MACROD2: variants seen among roughly 807,000 people sequenced by gnomAD.
MACROD2 encodes the protein mono-ADP ribosylhydrolase 2.
In MACROD2, 36 loss-of-function variants were observed where a neutral mutation model predicts 70.4. The observed-to-expected ratio is 0.51, with a 90% CI of 0.39 to 0.68. The LOEUF is 0.68. Ranked by LOEUF, MACROD2 falls within the 30% of genes least tolerant of loss-of-function variation. The probability of loss-of-function intolerance (pLI) is 0.00; values close to 1 mark genes in which losing one functional copy is unlikely to be tolerated. For synonymous variants in MACROD2, 172 were observed against 178.8 expected (o/e 0.96, Z 0.30); for missense variants, 496 against 538.4 (o/e 0.92, Z 0.78).
Position 15,806,563 on chromosome 20 carries a change from A to G in MACROD2, c.646-56182A>G, listed in dbSNP as rs555851764. Among the ~76,000 whole-genome samples the G allele has an allele frequency of 2.0e-5, 3 of 152,252 alleles. No individual in the cohort carries two copies. In the South Asian group the frequency reaches 6.2e-4, roughly 32 times the overall value. Reference sequence around the variant, plus strand: ...AACAGAGTGATCTTACACACTGATAACTGAGGAAGCATTTCACAGCTGGAC... The same window carrying G: ...AACAGAGTGATCTTACACACTGATAGCTGAGGAAGCATTTCACAGCTGGAC... On this transcript the variant is annotated intron_variant, in intron 8 of 17. Coordinates refer to ENST00000684519, the MANE Select transcript of MACROD2 (RefSeq NM_001351661.2).
At chr20:14,582,938 C>A (rs1183620283) in intron 4 of MACROD2, among the ~76,000 whole-genome samples, 1 of 152,148 alleles carries the variant, frequency 6.6e-6, no homozygotes, top group Non-Finnish European at 1.5e-5. Flanking sequence ...TGGCAAAAAT[C>A]CTCTGCACTC....
In MACROD2 at chr20:15,991,036, T is replaced by A. The variant is rs1441136940; in HGVS notation, c.1153+3878T>A. Among the ~76,000 whole-genome samples, 7 of 135,606 alleles carry A rather than the reference T, an allele frequency of 5.2e-5. No individual in the cohort carries two copies. In the East Asian group the frequency reaches 1.5e-3, roughly 29 times the overall value. The allele number at this position is 135,606 out of a possible 152,430, so 89.0% of individuals were successfully genotyped here. A position where few individuals can be genotyped will look rare whatever the true frequency, so the allele number is the denominator to read the frequency against. On this transcript the variant is annotated intron_variant, in intron 15 of 17. Transcript: ENST00000684519. ...TTATTGTACCCTATTGATAAAAATA[T>A]AGAGGTGCCCTAGGCCAGGCAAAAA...
intron 3 of MACROD2, among the ~76,000 whole-genome samples, chr20:14,349,325 G>C (rs967625007): frequency 6.7e-6 from 1 of 149,984 alleles, no homozygotes. Context: ...TTTAATACAA[G>C]AATGCAATGT....
intron 10 of MACROD2, among the ~76,000 whole-genome samples, chr20:15,887,192 T>A (rs891593012): frequency 6.6e-6 from 1 of 152,250 alleles, no homozygotes; most frequent in Middle Eastern, 3.4e-3. Context: ...TTAAGTTATA[T>A]CTCTCTCCCT....
chr20:14,040,118 G>A (rs192994009), intron 2 of MACROD2, among the ~76,000 whole-genome samples: 18 of 152,192 alleles, frequency 1.2e-4, no homozygotes, highest in Admixed American at 9.2e-4. Context: ...CAACAACAGG[G>A]ATATATTCTG....
At chr20:15,343,026 T>G (rs1209594653) in intron 6 of MACROD2, among the ~76,000 whole-genome samples, 2 of 152,206 alleles carry the variant, frequency 1.3e-5, no homozygotes, top group African/African-American at 2.4e-5. Context: ...GATTATAAAG[T>G]GCTTTGGAAA....
chr20:14,550,483 G>C (rs1235382176), intron 4 of MACROD2, among the ~76,000 whole-genome samples: 1 of 152,080 alleles, frequency 6.6e-6, no homozygotes, highest in African/African-American at 2.4e-5. Flanking sequence ...TCAGCCATGC[G>C]AGGTCACAGT....
At chr20:15,225,781 G>T (rs895023621) in intron 5 of MACROD2, among the ~76,000 whole-genome samples, 1 of 152,104 alleles carries the variant, frequency 6.6e-6, no homozygotes, top group Non-Finnish European at 1.5e-5. Flanking sequence ...CCTATGGTTG[G>T]ACATTTAGCT....
At chr20:14,989,845 A>G (rs1314551263) in intron 5 of MACROD2, among the ~76,000 whole-genome samples, 6 of 152,028 alleles carry the variant, frequency 3.9e-5, no homozygotes, top group Non-Finnish European at 5.9e-5. Context: ...TTCTGCAGCT[A>G]TTTCAACCGT....
intron 10 of MACROD2, among the ~76,000 whole-genome samples, chr20:15,921,323 T>C (rs1366387247): frequency 6.6e-6 from 1 of 152,192 alleles, no homozygotes; most frequent in African/African-American, 2.4e-5. Context: ...ATTCCCTCTT[T>C]CCTCAACTCA....
chr20:15,374,416 C>T (rs1015205215), intron 6 of MACROD2, among the ~76,000 whole-genome samples: 4 of 151,696 alleles, frequency 2.6e-5, no homozygotes, highest in African/African-American at 4.8e-5. Context: ...GTCTTATGGT[C>T]GCCAAATTCT....
intron 5 of MACROD2, among the ~76,000 whole-genome samples, chr20:14,922,191 T>C (rs750349418): frequency 6.6e-6 from 1 of 152,218 alleles, no homozygotes; most frequent in Admixed American, 6.5e-5. Context: ...TAACTGTTTT[T>C]GTGTTTTGTC....
At chr20:14,947,446 G>T (rs997088684) in intron 5 of MACROD2, among the ~76,000 whole-genome samples, 3 of 152,160 alleles carry the variant, frequency 2.0e-5, no homozygotes, top group Non-Finnish European at 4.4e-5. Context: ...CCTCACAAGG[G>T]TGTTGTAAAG....
At chr20:15,765,551 C>T (rs892858353) in intron 8 of MACROD2, among the ~76,000 whole-genome samples, 23 of 152,042 alleles carry the variant, frequency 1.5e-4, no homozygotes, top group Admixed American at 1.0e-3. Context: ...AAATCTATTA[C>T]GGTGGGAAAG....
chr20:15,268,114 G>GAGAGAGGAAGAGAA (rs1162109485), intron 6 of MACROD2, among the ~76,000 whole-genome samples: 2 of 152,150 alleles, frequency 1.3e-5, no homozygotes, highest in Non-Finnish European at 2.9e-5. Flanking sequence ...TTCAAGAGAG[G>GAGAGAGGAAGAGAA]AGAGAGGAAG....
chr20:14,631,017 G>C (rs571293499), intron 4 of MACROD2, among the ~76,000 whole-genome samples: 53 of 152,212 alleles, frequency 3.5e-4, no homozygotes, highest in African/African-American at 1.1e-3. Flanking sequence ...GAATTTATCA[G>C]TACATTTCTA....
intron 5 of MACROD2, among the ~76,000 whole-genome samples, chr20:14,699,067 C>T (rs757181897): frequency 4.6e-5 from 7 of 151,686 alleles, no homozygotes; most frequent in Non-Finnish European, 7.4e-5. Context: ...TAATAGTGTC[C>T]GGATGAAATA....
chr20:14,803,042 G>A (rs1190112056), intron 5 of MACROD2, among the ~76,000 whole-genome samples: 1 of 151,880 alleles, frequency 6.6e-6, no homozygotes, highest in Non-Finnish European at 1.5e-5. Flanking sequence ...ATGGTTTGGG[G>A]CCCACCAGTT....
At chr20:15,660,727 G>A (rs191927914) in intron 8 of MACROD2, among the ~76,000 whole-genome samples, 2 of 152,234 alleles carry the variant, frequency 1.3e-5, no homozygotes, top group African/African-American at 4.8e-5. Flanking sequence ...AAAATTGCAG[G>A]ACCCACAGGC....
Sources: allele counts gnomAD v4.1 joint callset (sites outside exome capture counted in the v4.1 genomes callset), GRCh38; gene constraint gnomAD v4.1.1; transcripts MANE v1.5; gene names NCBI Gene and HGNC (gene_info 2026-07-23, HGNC 2026-07-21).